Variants in MAP6 observed in about 807,000 individuals in gnomAD.
MAP6 encodes the protein microtubule associated protein 6.
MAP6 carries 26 observed loss-of-function variants against 42.4 expected under a neutral mutation model. The observed-to-expected ratio is 0.61, with a 90% confidence interval of 0.45 to 0.85. MAP6 has a LOEUF of 0.85. Among genes scored for constraint, MAP6 ranks in the 40% least tolerant of loss-of-function variants. The pLI is 0.00. For synonymous variants in MAP6, 418 were observed against 443.8 expected (o/e 0.94, Z 0.73); for missense variants, 966 against 1,099.0 (o/e 0.88, Z 1.71).
At chr11:75,643,467 G>A (rs565065497) in intron 1 of MAP6, among the ~76,000 whole-genome samples, 24 of 152,286 alleles carry the variant, frequency 1.6e-4, no homozygotes, top group Middle Eastern at 3.4e-3. Flanking sequence ...TTAGTAAGGT[G>A]CTTGGCAAAG....
At chr11:75,615,653 C>T (rs1942982876) in intron 1 of MAP6, among the ~76,000 whole-genome samples, 1 of 152,162 alleles carries the variant, frequency 6.6e-6, no homozygotes, top group African/African-American at 2.4e-5. Context: ...TTCTGGTGCC[C>T]AGAGTGGGCA....
chr11:75,638,650 A>G (rs1943412353), intron 1 of MAP6: 1 of 152,238 alleles, frequency 6.6e-6, no homozygotes, highest in African/African-American at 2.4e-5. Context: ...AGAGTCAAAA[A>G]ATAACAGATG....
intron 1 of MAP6, among the ~76,000 whole-genome samples, chr11:75,654,598 G>A (rs761080410): frequency 2.6e-5 from 4 of 152,166 alleles, no homozygotes; most frequent in Non-Finnish European, 4.4e-5. Flanking sequence ...CTACCCTAGC[G>A]TAGTGATTCA....
chr11:75,621,005 C>T (rs2135613456), intron 1 of MAP6, among the ~76,000 whole-genome samples: 1 of 152,166 alleles, frequency 6.6e-6, no homozygotes, highest in South Asian at 2.1e-4. Context: ...GTGGTGGGTG[C>T]CTGTAGTCCC....
At chr11:75,614,347 C>T (rs570662212) in intron 1 of MAP6, among the ~76,000 whole-genome samples, 9 of 152,314 alleles carry the variant, frequency 5.9e-5, no homozygotes, top group South Asian at 2.1e-4. Flanking sequence ...TTCTACCTTA[C>T]GTAGAGCTTA....
intron 1 of MAP6, among the ~76,000 whole-genome samples, chr11:75,636,355 A>T (rs570087919): frequency 6.6e-6 from 1 of 152,022 alleles, no homozygotes; most frequent in East Asian, 1.9e-4. Context: ...ACTTGAAATA[A>T]TCTCTTCCTC....
chr11:75,647,395 C>T (rs980708819), intron 1 of MAP6, among the ~76,000 whole-genome samples: 37 of 132,166 alleles, frequency 2.8e-4, no homozygotes, highest in African/African-American at 9.9e-4. Context: ...GTAACTTCCA[C>T]GTAGAAGGGA....
chr11:75,616,783 A>G (rs1034493370), intron 1 of MAP6, among the ~76,000 whole-genome samples: 1 of 152,196 alleles, frequency 6.6e-6, no homozygotes, highest in African/African-American at 2.4e-5. Flanking sequence ...TGTGAGAGGG[A>G]GAAAAAAGTA....
At chr11:75,647,520 A>G (rs1051652187) in intron 1 of MAP6, among the ~76,000 whole-genome samples, 12 of 152,258 alleles carry the variant, frequency 7.9e-5, no homozygotes, top group Non-Finnish European at 1.5e-4. Flanking sequence ...AAGGTAAAAG[A>G]CATAACAACG....
chr11:75,642,680 C>T (rs1308377699), intron 1 of MAP6: 2 of 213,320 alleles, frequency 9.4e-6, no homozygotes, highest in African/African-American at 4.5e-5. Context: ...GCACTTAGGC[C>T]TTCCACTTTC....
intron 3 of MAP6, among the ~76,000 whole-genome samples, chr11:75,600,136 C>G (rs1942641233): frequency 6.6e-6 from 1 of 152,166 alleles, no homozygotes; most frequent in Non-Finnish European, 1.5e-5. Context: ...TTCAAGTACT[C>G]TAAAGGGAGG....
intron 3 of MAP6, chr11:75,605,166 C>T (rs962826960): frequency 8.3e-5 from 82 of 985,414 alleles, no homozygotes; most frequent in Middle Eastern, 1.0e-3. Flanking sequence ...ATCTATGACT[C>T]GGTATACAAT....
chr11:75,608,912 T>C (rs1427877987), intron 1 of MAP6, among the ~76,000 whole-genome samples: 2 of 152,380 alleles, frequency 1.3e-5, no homozygotes, highest in Non-Finnish European at 2.9e-5. Context: ...TCACTTTAGA[T>C]GAACATCCTC....
At chr11:75,627,534 A>C (rs1470801487) in intron 1 of MAP6, among the ~76,000 whole-genome samples, 11 of 152,190 alleles carry the variant, frequency 7.2e-5, no homozygotes, top group Admixed American at 6.5e-4. Context: ...TTGGAAACAA[A>C]AGGACCTGAA....
At chr11:75,630,133 G>A (rs563239654) in intron 1 of MAP6, among the ~76,000 whole-genome samples, 21 of 152,186 alleles carry the variant, frequency 1.4e-4, no homozygotes, top group African/African-American at 2.2e-4. Context: ...GTGGTCTTCC[G>A]AACTTTCCGA....
At chr11:75,618,823 T>C (rs569398041) in intron 1 of MAP6, among the ~76,000 whole-genome samples, 1 of 152,354 alleles carries the variant, frequency 6.6e-6, no homozygotes, top group East Asian at 1.9e-4. Flanking sequence ...CTGGGAGTCC[T>C]GTGCTTCCTG....
Position 75,665,285 on chromosome 11 carries a change from T to C in MAP6, c.905+2180A>G, listed in dbSNP as rs1201610402. On this transcript the variant is annotated intron_variant, in intron 1 of 3. Coordinates refer to ENST00000304771, the MANE Select transcript of MAP6 (RefSeq NM_033063.2). Reference sequence around the variant, plus strand: ...TGTTGTTTTGAGGAAAAAGGCTATATGGAACAAGGTACAACCCCAAATCTG... The same window carrying C: ...TGTTGTTTTGAGGAAAAAGGCTATACGGAACAAGGTACAACCCCAAATCTG... Among the ~76,000 whole-genome samples the C allele has an allele frequency of 3.3e-5, 5 of 152,350 alleles. No individual in the cohort carries two copies. The South Asian group carries it at 6.2e-4, about 19-fold the overall frequency.
At chr11:75,606,753 C>T (rs1263479321) in intron 2 of MAP6, among the ~76,000 whole-genome samples, 2 of 152,192 alleles carry the variant, frequency 1.3e-5, no homozygotes, top group Non-Finnish European at 2.9e-5. Flanking sequence ...TGCCTGGCTC[C>T]TCCACCATTT....
At chr11:75,614,688 A>G (rs1590771035) in intron 1 of MAP6, among the ~76,000 whole-genome samples, 1 of 152,360 alleles carries the variant, frequency 6.6e-6, no homozygotes, top group East Asian at 1.9e-4. Flanking sequence ...CCATTCCTGG[A>G]TTACTGACCC....
Sources: allele counts gnomAD v4.1 joint callset (sites outside exome capture counted in the v4.1 genomes callset), GRCh38; gene constraint gnomAD v4.1.1; transcripts MANE v1.5; gene names NCBI Gene and HGNC (gene_info 2026-07-23, HGNC 2026-07-21).